TRAK1: variants seen among roughly 807,000 people sequenced by gnomAD.
TRAK1 encodes trafficking kinesin-binding protein 1.
Under a neutral mutation model 92.1 loss-of-function variants are expected in TRAK1, and 33 were observed. The ratio of observed to expected loss-of-function variants is 0.36; its 90% confidence interval spans 0.27 to 0.48. TRAK1 has a LOEUF of 0.48. TRAK1 is among the 20% of genes least tolerant of loss of function. The pLI, the probability that TRAK1 is intolerant of heterozygous loss-of-function variation, is 0.99. For synonymous variants in TRAK1, 521 were observed against 517.3 expected (o/e 1.01, Z -0.10); for missense variants, 1,123 against 1,257.9 (o/e 0.89, Z 1.62).
At chr3:42,189,817 C>T (rs564671529) in intron 6 of TRAK1, among the ~76,000 whole-genome samples, 1 of 152,310 alleles carries the variant, frequency 6.6e-6, no homozygotes, top group South Asian at 2.1e-4. Flanking sequence ...AGGCGTGAGC[C>T]ACCGTGCCTG....
In TRAK1 at chr3:42,176,824, T is replaced by C; in HGVS notation, c.297T>C (p.Ala99=). The C allele has an allele frequency of 6.2e-7, 1 of 1,614,112 alleles. No individual in the cohort carries two copies. The highest frequency in any genetic ancestry group is 8.5e-7 in the Non-Finnish European group (1 of 1,179,944). The change falls in exon 3 of 16, where the codon GCT becomes GCC. Residue 99 remains alanine, a synonymous_variant. Coordinates refer to ENST00000327628, the MANE Select transcript of TRAK1 (RefSeq NM_001042646.3). ...EETLKYFLLC[A]ERVGQMTKTY... Reference sequence around the variant, plus strand: ...TTTTATTTCTTACAGTTTTATGTGCTGAAAGAGTTGGCCAGATGACTAAGA... The same window carrying C: ...TTTTATTTCTTACAGTTTTATGTGCCGAAAGAGTTGGCCAGATGACTAAGA...
intron 1 of TRAK1, among the ~76,000 whole-genome samples, chr3:42,034,232 A>G (rs1358591971): frequency 6.6e-6 from 1 of 152,202 alleles, no homozygotes; most frequent in Non-Finnish European, 1.5e-5. Flanking sequence ...GAGAAATCAC[A>G]TAGTCACCTA....
At chr3:42,038,487 T>A (rs925405607) in intron 1 of TRAK1, among the ~76,000 whole-genome samples, 11 of 152,278 alleles carry the variant, frequency 7.2e-5, no homozygotes, top group Non-Finnish European at 1.3e-4. Flanking sequence ...CGGTTATTTT[T>A]AAAAATTTTT....
intron 1 of TRAK1, among the ~76,000 whole-genome samples, chr3:42,116,680 T>C (rs1553722223): frequency 6.6e-6 from 1 of 152,192 alleles, no homozygotes; most frequent in Non-Finnish European, 1.5e-5. Flanking sequence ...TAATGTGTCA[T>C]GAGAGAGGGT....
chr3:42,145,101 C>G (rs1342725635), intron 2 of TRAK1, among the ~76,000 whole-genome samples: 1 of 152,238 alleles, frequency 6.6e-6, no homozygotes, highest in African/African-American at 2.4e-5. Flanking sequence ...CTCCTCGCCT[C>G]CCCAAAGGAG....
chr3:42,179,952 T>TA (rs1226666323), intron 3 of TRAK1, among the ~76,000 whole-genome samples: 1 of 152,042 alleles, frequency 6.6e-6, no homozygotes, highest in Non-Finnish European at 1.5e-5. Context: ...AGGCTGGTCT[T>TA]AAACTCCTGG....
At chr3:42,151,818 ACT>A (rs1380255915) in intron 2 of TRAK1, among the ~76,000 whole-genome samples, 1 of 152,172 alleles carries the variant, frequency 6.6e-6, no homozygotes, top group African/African-American at 2.4e-5. Context: ...TTTTATTGCA[ACT>A]CAATAGACAC....
In TRAK1 at chr3:42,184,712, C is replaced by A. The variant is rs768807600; in HGVS notation, c.391C>A (p.Arg131Ser). 1.2e-6 allele frequency: 2 copies of A among 1,614,142 alleles called. No homozygotes were observed. Among genetic ancestry groups the A allele is most frequent in the Non-Finnish European group, 1.7e-6 (2 of 1,180,016 alleles). ...EKERDLELAA[R>S]IGQSLLKKNK... ...AGAGCGGGATTTAGAATTGGCCGCT[C>A]GCATCGGCCAGTCGTTGTTGAAGAA... Residue 131 changes from arginine (R) to serine (S), a missense_variant, in exon 4 of 16, where the codon CGC becomes AGC. Coordinates refer to ENST00000327628, the MANE Select transcript of TRAK1 (RefSeq NM_001042646.3).
intron 1 of TRAK1, among the ~76,000 whole-genome samples, chr3:42,024,974 C>T (rs1701862369): frequency 6.6e-6 from 1 of 152,206 alleles, no homozygotes; most frequent in Non-Finnish European, 1.5e-5. Flanking sequence ...TTCTGCTAGG[C>T]TTCCCCTTAG....
At chr3:42,171,528 A>G (rs1267592194) in intron 2 of TRAK1, among the ~76,000 whole-genome samples, 1 of 151,826 alleles carries the variant, frequency 6.6e-6, no homozygotes, top group Non-Finnish European at 1.5e-5. Context: ...CTCCCTACCC[A>G]CCCCTCGGGT....
At chr3:42,220,536 G>T (rs543682691) in intron 15 of TRAK1, 42 of 985,296 alleles carry the variant, frequency 4.3e-5, no homozygotes, top group Admixed American at 6.1e-5. Flanking sequence ...CATATGCCCC[G>T]TTGAGCTGAG....
intron 14 of TRAK1, among the ~76,000 whole-genome samples, chr3:42,213,476 T>C (rs1709322618): frequency 6.6e-6 from 1 of 152,274 alleles, no homozygotes; most frequent in African/African-American, 2.4e-5. Context: ...AGGAATCAGC[T>C]TCTTTCGTTG....
At chr3:42,070,825 A>C (rs568879881) in intron 1 of TRAK1, among the ~76,000 whole-genome samples, 1 of 152,304 alleles carries the variant, frequency 6.6e-6, no homozygotes, top group South Asian at 2.1e-4. Flanking sequence ...ATAAATTTTA[A>C]ATCTGTAAGT....
chr3:42,039,688 A>T (rs1702461669), intron 1 of TRAK1, among the ~76,000 whole-genome samples: 1 of 152,230 alleles, frequency 6.6e-6, no homozygotes, highest in Non-Finnish European at 1.5e-5. Flanking sequence ...ATTATCTTAT[A>T]AATAATGCTG....
intron 14 of TRAK1, 63 bp downstream of exon 14, chr3:42,210,048 G>T (rs1205681850): frequency 1.9e-6 from 3 of 1,613,844 alleles, no homozygotes; most frequent in Non-Finnish European, 2.5e-6. Flanking sequence ...CCGGCCTCAG[G>T]CTTCCCCAGA....
chr3:42,115,721 CCTT>C (rs1360313122), intron 1 of TRAK1, among the ~76,000 whole-genome samples: 1 of 152,198 alleles, frequency 6.6e-6, no homozygotes, highest in Non-Finnish European at 1.5e-5. Context: ...CTCTGCTTGT[CCTT>C]CTCTCTTCTG....
chr3:42,186,245 A>G (rs145986261), intron 4 of TRAK1, among the ~76,000 whole-genome samples: 9,132 of 151,578 alleles, frequency 0.06, 288 homozygotes, highest in Middle Eastern at 0.086. Context: ...GTCTCCCAAA[A>G]TGCTGGGATT....
chr3:42,016,973 C>G (rs1034642870), intron 1 of TRAK1, among the ~76,000 whole-genome samples: 4 of 152,180 alleles, frequency 2.6e-5, no homozygotes, highest in South Asian at 2.1e-4. Context: ...AAAATGGACT[C>G]TGACCACTGG....
chr3:42,212,073 G>A (rs1050700176), intron 14 of TRAK1: 9 of 985,272 alleles, frequency 9.1e-6, no homozygotes, highest in African/African-American at 5.2e-5. Flanking sequence ...TCTCTATTGG[G>A]AATTACAGGA....
Sources: gnomAD v4.1 joint callset for allele counts (sites outside exome capture counted in the v4.1 genomes callset) on GRCh38, gnomAD v4.1.1 for gene constraint, MANE v1.5 for transcripts, NCBI Gene and HGNC (gene_info 2026-07-23, HGNC 2026-07-21) for gene names.